Variants in FAM153A observed in about 807,000 individuals in gnomAD.
FAM153A encodes the protein family with sequence similarity 153 member A, also known as protein FAM153A.
A neutral mutation model predicts 48.1 loss-of-function variants in FAM153A; 12 were observed. The ratio of observed to expected loss-of-function variants is 0.25; its 90% CI spans 0.16 to 0.40. The LOEUF (loss-of-function observed/expected upper bound fraction) is 0.40. FAM153A is among the 10% of genes least tolerant of loss of function. The pLI, the probability that FAM153A is intolerant of heterozygous loss-of-function variation, is 1.00. For missense variants in FAM153A, 111 were observed against 345.8 expected (o/e 0.32, Z 5.38); for synonymous variants, 36 against 118.2 (o/e 0.30, Z 4.51).
exon 27 of FAM153A, chr5:177,712,044 C>G (rs1469688830): frequency 6.6e-6 from 1 of 151,456 alleles, no homozygotes. Context: ...ATTTGCAAAA[C>G]ACATGTCTGA....
chr5:177,782,930 G>C (rs1191238394), upstream of FAM153A: 7 of 93,816 alleles, frequency 7.5e-5, 2 homozygotes, highest in African/African-American at 2.9e-4. Context: ...CAGGACCACG[G>C]ACGGAAAATC....
intron 18 of FAM153A, among the ~76,000 whole-genome samples, chr5:177,728,527 G>A (rs373155702): frequency 1.4e-5 from 2 of 143,708 alleles, no homozygotes; most frequent in East Asian, 4.3e-4. Flanking sequence ...CATGGTTAGA[G>A]TACTGGACTC....
At chr5:177,695,514 G>A in the FAM153A span, among the ~76,000 whole-genome samples, 66 of 152,196 alleles carry the variant, frequency 4.3e-4, no homozygotes, top group Admixed American at 9.2e-4. Flanking sequence ...ATCTTGCACC[G>A]CCCTTAATCC....
intron 1 of FAM153A, among the ~76,000 whole-genome samples, chr5:177,752,489 CAG>C (rs1187983499): frequency 7.1e-6 from 1 of 140,938 alleles, no homozygotes; most frequent in East Asian, 2.0e-4. Context: ...GGCATGGTGG[CAG>C]GCACCCGTAG....
the FAM153A span, among the ~76,000 whole-genome samples, chr5:177,696,305 C>T: frequency 3.5e-5 from 5 of 142,322 alleles, no homozygotes; most frequent in East Asian, 2.2e-4. Flanking sequence ...GACGGGGTGG[C>T]GGCCGGGCAG....
the FAM153A span, among the ~76,000 whole-genome samples, chr5:177,695,898 CT>C: frequency 1.5e-5 from 2 of 133,482 alleles, no homozygotes; most frequent in African/African-American, 6.0e-5. Flanking sequence ...AGAGGCACTC[CT>C]CACTTCCCAG....
rs1267467447 is a variant in FAM153A, at chr5:177,729,982, A to C, written c.863-427T>G. ...TTTAGAGGATTTTGTATGGAATAAGAAGCAACCATTCTTAAAATAGGAGAT... is the reference window on the plus strand; with the variant it reads ...TTTAGAGGATTTTGTATGGAATAAGCAGCAACCATTCTTAAAATAGGAGAT... On this transcript the variant is annotated intron_variant, in intron 16 of 20. Coordinates refer to ENST00000614127, the Ensembl canonical transcript of FAM153A. 9.7e-5 allele frequency among the ~76,000 whole-genome samples: 10 copies of C among 102,944 alleles called. 1 individual carries two copies. The highest frequency in any genetic ancestry group is 8.4e-5 in the Non-Finnish European group (4 of 47,494). The allele number at this position is 102,944 out of a possible 152,430, so 67.5% of individuals were successfully genotyped here.
chr5:177,714,043 T>G (rs916709128), intron 25 of FAM153A: 2 of 151,884 alleles, frequency 1.3e-5, no homozygotes, highest in African/African-American at 4.9e-5. Flanking sequence ...TACTGTATGT[T>G]CATACTTAAC....
the FAM153A span, among the ~76,000 whole-genome samples, chr5:177,696,054 C>T: frequency 7.1e-6 from 1 of 141,640 alleles, no homozygotes; most frequent in African/African-American, 2.7e-5. Context: ...AGGCGCTCCT[C>T]ACTTCCCAGA....
At chr5:177,713,639 C>G (rs552529923) in intron 26 of FAM153A, 1 of 151,862 alleles carries the variant, frequency 6.6e-6, no homozygotes, top group African/African-American at 2.4e-5. Flanking sequence ...ATCTCCTGAC[C>G]TCATGATCTG....
At chr5:177,753,038 A>C (rs1391452565) in intron 1 of FAM153A, 2 of 590,196 alleles carry the variant, frequency 3.4e-6, no homozygotes, top group South Asian at 4.2e-5. Flanking sequence ...TTGAGTAATA[A>C]AACTCTGAAA....
chr5:177,695,230 TAG>T, the FAM153A span, among the ~76,000 whole-genome samples: 1 of 145,180 alleles, frequency 6.9e-6, no homozygotes, highest in Non-Finnish European at 1.5e-5. Flanking sequence ...CCTGTAATTT[TAG>T]TTCTTATATG....
chr5:177,697,086 C>T, the FAM153A span, among the ~76,000 whole-genome samples: 1 of 151,604 alleles, frequency 6.6e-6, no homozygotes, highest in Non-Finnish European at 1.5e-5. Context: ...ATGGATGTCC[C>T]CTCATTTATT....
chr5:177,705,037 C>A (rs1757756208), downstream of FAM153A, among the ~76,000 whole-genome samples: 1 of 150,022 alleles, frequency 6.7e-6, no homozygotes, highest in African/African-American at 2.5e-5. Flanking sequence ...GGTGCGGTGG[C>A]TCACATTTGT....
At chr5:177,709,441 A>G (rs1163611748), downstream of FAM153A, among the ~76,000 whole-genome samples, 13 of 146,498 alleles carry the variant, frequency 8.9e-5, no homozygotes. Context: ...GGCTCATTGC[A>G]ACCTCCACCT....
downstream of FAM153A, among the ~76,000 whole-genome samples, chr5:177,706,159 A>G (rs1026033920): frequency 5.9e-5 from 9 of 151,708 alleles, no homozygotes; most frequent in African/African-American, 2.2e-4. Context: ...AATCTTGAAA[A>G]AAAGAAAGAA....
At chr5:177,704,965 C>CA (rs1179126652), downstream of FAM153A, among the ~76,000 whole-genome samples, 15 of 149,620 alleles carry the variant, frequency 1.0e-4, no homozygotes, top group Non-Finnish European at 3.0e-5. Flanking sequence ...CACACCACCG[C>CA]ACTCCAGCCT....
downstream of FAM153A, among the ~76,000 whole-genome samples, chr5:177,705,894 G>A (rs1292143227): frequency 1.3e-5 from 2 of 151,418 alleles, no homozygotes; most frequent in African/African-American, 4.9e-5. Flanking sequence ...TCCTGACCTC[G>A]TGATCTGCCC....
At chr5:177,732,628 A>C (rs1245991353) in intron 14 of FAM153A, among the ~76,000 whole-genome samples, 1 of 93,002 alleles carries the variant, frequency 1.1e-5, no homozygotes, top group African/African-American at 4.3e-5. Flanking sequence ...CTCCAGTGTC[A>C]GCCTCCTGAG....
Sources: gnomAD v4.1 joint callset for allele counts (sites outside exome capture counted in the v4.1 genomes callset) on GRCh38, gnomAD v4.1.1 for gene constraint, MANE v1.5 for transcripts, NCBI Gene and HGNC (gene_info 2026-07-23, HGNC 2026-07-21) for gene names.